The following RANBP2 variants were observed in gnomAD, a reference collection of about 807,000 sequenced individuals.
RANBP2 encodes E3 SUMO-protein ligase RanBP2.
A neutral mutation model predicts 303.6 loss-of-function variants in RANBP2; 57 were observed. The observed-to-expected ratio is 0.19, with a 90% CI of 0.15 to 0.23. RANBP2 has a LOEUF of 0.23. RANBP2 is among the 10% of genes least tolerant of loss of function. The pLI is 1.00. For missense variants in RANBP2, 3,138 were observed against 3,780.8 expected, an observed-to-expected ratio of 0.83 and a Z score of 4.46; for synonymous variants, 1,167 against 1,301.5, an observed-to-expected ratio of 0.90 and a Z score of 2.23.
At chr2:109,170,851 C>A in the RANBP2 span, among the ~76,000 whole-genome samples, 1 of 152,204 alleles carries the variant, frequency 6.6e-6, no homozygotes, top group African/African-American at 2.4e-5. Context: ...GCGCTTTTCT[C>A]CCCTCAGTAA....
At chr2:109,637,877 G>T in the RANBP2 span, among the ~76,000 whole-genome samples, 1 of 152,166 alleles carries the variant, frequency 6.6e-6, no homozygotes, top group African/African-American at 2.4e-5. Flanking sequence ...AGAATCGCTT[G>T]AACCCGGGAG....
the RANBP2 span, among the ~76,000 whole-genome samples, chr2:109,189,327 C>T: frequency 2.0e-5 from 3 of 151,664 alleles, no homozygotes; most frequent in East Asian, 5.8e-4. Flanking sequence ...CACCATCTAC[C>T]AGGCAGACAG....
the RANBP2 span, among the ~76,000 whole-genome samples, chr2:109,133,408 A>G: frequency 1.3e-5 from 2 of 152,226 alleles, no homozygotes; most frequent in South Asian, 4.1e-4. Flanking sequence ...ATAAAATTAT[A>G]TTTGTTAAAT....
chr2:109,272,686 A>T, the RANBP2 span, among the ~76,000 whole-genome samples: 1 of 152,310 alleles, frequency 6.6e-6, no homozygotes, highest in African/African-American at 2.4e-5. Flanking sequence ...TGTCATGGAG[A>T]CAATACAGGC....
the RANBP2 span, chr2:108,885,021 A>G: frequency 6.6e-6 from 1 of 152,210 alleles, no homozygotes; most frequent in African/African-American, 2.4e-5. Context: ...TTGTAATACA[A>G]ATATTTGCAG....
chr2:109,601,961 C>T, the RANBP2 span, among the ~76,000 whole-genome samples: 29 of 152,146 alleles, frequency 1.9e-4, no homozygotes, highest in East Asian at 3.9e-3. Context: ...ATGCGCTTCC[C>T]GAGGGAAAAA....
the RANBP2 span, among the ~76,000 whole-genome samples, chr2:109,454,059 A>G: frequency 6.6e-6 from 1 of 152,232 alleles, no homozygotes; most frequent in Non-Finnish European, 1.5e-5. Context: ...CTTAAATACT[A>G]TCGTATAATA....
At chr2:109,545,988 T>G in the RANBP2 span, 1 of 1,510,604 alleles carries the variant, frequency 6.6e-7, no homozygotes, top group Admixed American at 2.3e-5. Context: ...GCTAGGAAGA[T>G]CCGACAGGGC....
chr2:109,152,360 C>A, the RANBP2 span, among the ~76,000 whole-genome samples: 1 of 152,124 alleles, frequency 6.6e-6, no homozygotes, highest in African/African-American at 2.4e-5. Context: ...TTTGGCAAAT[C>A]CCTCTTATAT....
chr2:109,710,122 A>G, the RANBP2 span, among the ~76,000 whole-genome samples: 64 of 144,070 alleles, frequency 4.4e-4, no homozygotes, highest in African/African-American at 8.0e-4. Flanking sequence ...TCGCTCATGC[A>G]TGTAATCCCA....
At chr2:109,227,909 G>C in the RANBP2 span, among the ~76,000 whole-genome samples, 4 of 152,182 alleles carry the variant, frequency 2.6e-5, no homozygotes. Context: ...GCTTCATGAT[G>C]GTGACCGTCA....
the RANBP2 span, among the ~76,000 whole-genome samples, chr2:109,581,710 GA>G: frequency 6.6e-6 from 1 of 151,974 alleles, no homozygotes; most frequent in Non-Finnish European, 1.5e-5. Flanking sequence ...AAGTTAATGA[GA>G]AAAAACAAGT....
the RANBP2 span, among the ~76,000 whole-genome samples, chr2:109,187,450 C>T: frequency 9.2e-5 from 14 of 152,078 alleles, no homozygotes; most frequent in Admixed American, 4.6e-4. Flanking sequence ...TGCATGAAGA[C>T]GTTGCTGTTG....
chr2:108,743,864 G>T (rs1696306234), intron 7 of RANBP2, among the ~76,000 whole-genome samples: 1 of 152,156 alleles, frequency 6.6e-6, no homozygotes, highest in Non-Finnish European at 1.5e-5. Context: ...TATTTCTGTA[G>T]AATGAATATA....
the RANBP2 span, among the ~76,000 whole-genome samples, chr2:109,743,247 G>C: frequency 6.8e-6 from 1 of 148,052 alleles, no homozygotes; most frequent in African/African-American, 2.6e-5. Context: ...CTACAGCCTG[G>C]GTGGCAGAGC....
chr2:109,439,412 A>G, the RANBP2 span, among the ~76,000 whole-genome samples: 1 of 152,116 alleles, frequency 6.6e-6, no homozygotes, highest in Non-Finnish European at 1.5e-5. Context: ...TTTCCACTTC[A>G]TTCTGCATTT....
the RANBP2 span, among the ~76,000 whole-genome samples, chr2:109,214,777 C>G: frequency 6.6e-6 from 1 of 152,210 alleles, no homozygotes; most frequent in African/African-American, 2.4e-5. Flanking sequence ...CTTCACCCCT[C>G]TGGACTTGCG....
At chr2:109,365,006 G>T in the RANBP2 span, among the ~76,000 whole-genome samples, 1 of 152,228 alleles carries the variant, frequency 6.6e-6, no homozygotes, top group African/African-American at 2.4e-5. Flanking sequence ...CAGAAGGATC[G>T]TGAGACTCTG....
chr2:109,416,415 C>T, the RANBP2 span, among the ~76,000 whole-genome samples: 1 of 152,000 alleles, frequency 6.6e-6, no homozygotes, highest in Non-Finnish European at 1.5e-5. Context: ...GCCAACATGG[C>T]GAAACCCCCC....
Sources: gnomAD v4.1 joint callset for allele counts (sites outside exome capture counted in the v4.1 genomes callset) on GRCh38, gnomAD v4.1.1 for gene constraint, MANE v1.5 for transcripts, NCBI Gene and HGNC (gene_info 2026-07-23, HGNC 2026-07-21) for gene names.